Variants in CAMK4 observed in about 807,000 individuals in gnomAD.
CAMK4 encodes calcium/calmodulin-dependent protein kinase type IV.
CAMK4 carries 22 observed loss-of-function variants against 44.9 expected under a neutral mutation model. That is an observed-to-expected ratio of 0.49 (90% CI 0.35 to 0.70). The LOEUF is 0.70. CAMK4 is among the 30% of genes least tolerant of loss of function. The probability of loss-of-function intolerance (pLI) is 0.01; values close to 1 mark genes in which losing one functional copy is unlikely to be tolerated. For missense variants in CAMK4, 498 were observed against 586.8 expected (o/e 0.85, Z 1.56); for synonymous variants, 218 against 215.4 (o/e 1.01, Z -0.11).
At chr5:111,472,248 A>G (rs1484109754) in intron 7 of CAMK4, among the ~76,000 whole-genome samples, 1 of 152,136 alleles carries the variant, frequency 6.6e-6, no homozygotes, top group East Asian at 1.9e-4. Flanking sequence ...GCCAGCATGG[A>G]CAGAGAATCC....
At chr5:111,361,875 A>T (rs978856520) in intron 2 of CAMK4, among the ~76,000 whole-genome samples, 1 of 152,038 alleles carries the variant, frequency 6.6e-6, no homozygotes, top group Non-Finnish European at 1.5e-5. Flanking sequence ...AAAATTTTTT[A>T]GAATAACAAT....
At chr5:111,446,856 C>A in intron 6 of CAMK4, 80 bp downstream of exon 6, 1 of 821,538 alleles carries the variant, frequency 1.2e-6, no homozygotes, top group Non-Finnish European at 2.2e-6. Context: ...TTAAATATTG[C>A]TCCATCCAGT....
intron 5 of CAMK4, among the ~76,000 whole-genome samples, chr5:111,435,281 T>C (rs1354781661): frequency 6.6e-6 from 1 of 152,166 alleles, no homozygotes; most frequent in Non-Finnish European, 1.5e-5. Context: ...AAACTACAAA[T>C]TTTCACTCTT....
intron 5 of CAMK4, among the ~76,000 whole-genome samples, chr5:111,410,120 A>G (rs1752578593): frequency 6.6e-6 from 1 of 152,092 alleles, no homozygotes; most frequent in Non-Finnish European, 1.5e-5. Context: ...GTGCCCTTCT[A>G]CCTGGTACCA....
In CAMK4 at chr5:111,376,820, A is replaced by G. The variant is rs778571517; in HGVS notation, c.304-40A>G. The G allele has an allele frequency of 9.7e-6, 12 of 1,234,602 alleles. No homozygotes were observed. The African/African-American group carries it at 1.0e-4, about 11-fold the overall frequency. The allele number at this position is 1,234,602 out of a possible 1,614,324, so 76.5% of individuals were successfully genotyped here. A position where few individuals can be genotyped will look rare whatever the true frequency, so the allele number is the denominator to read the frequency against. On this transcript the variant is annotated intron_variant, in intron 3 of 10. Transcript: ENST00000282356. Reference sequence around the variant, plus strand: ...TAGCTATTTCCAAGAAAGATGGAATAAGAAATTTGTGATATTCTTTTTTTT... The same window carrying G: ...TAGCTATTTCCAAGAAAGATGGAATGAGAAATTTGTGATATTCTTTTTTTT...
intron 5 of CAMK4, among the ~76,000 whole-genome samples, chr5:111,400,262 T>A (rs188762804): frequency 1.6e-3 from 237 of 152,264 alleles, no homozygotes; most frequent in African/African-American, 5.3e-3. Flanking sequence ...AGAAAAAAAA[T>A]TAATTTCCCT....
intron 5 of CAMK4, among the ~76,000 whole-genome samples, chr5:111,432,381 G>C (rs1165238254): frequency 6.6e-6 from 1 of 151,934 alleles, no homozygotes; most frequent in South Asian, 2.1e-4. Context: ...GTTCGGGGAA[G>C]GTAGGGATGG....
chr5:111,344,061 G>T lies in CAMK4; in HGVS notation c.199G>T (p.Gly67Trp), dbSNP rs1329594615. 6.2e-7 allele frequency: 1 copy of T among 1,608,314 alleles called. No individual in the cohort carries two copies. Reference protein sequence around the residue: ...TSIVYRCKQKGTQKPYALKVL... With the variant: ...TSIVYRCKQKWTQKPYALKVL... ...CATTGTGTACAGATGCAAACAGAAGGGGACCCAGAAGCCTTATGCTCTCAA... is the reference window on the plus strand; with the variant it reads ...CATTGTGTACAGATGCAAACAGAAGTGGACCCAGAAGCCTTATGCTCTCAA... The change falls in exon 2 of 11, where the codon GGG becomes TGG. Residue 67 changes from glycine to tryptophan, a missense_variant. Coordinates refer to ENST00000282356, the MANE Select transcript of CAMK4 (RefSeq NM_001744.6).
chr5:111,351,663 C>T (rs898135722), intron 2 of CAMK4, among the ~76,000 whole-genome samples: 4 of 148,200 alleles, frequency 2.7e-5, no homozygotes, highest in Admixed American at 1.3e-4. Context: ...CCACCTGCCT[C>T]GGCCTCCCAA....
chr5:111,257,496 A>G (rs1749792184), intron 1 of CAMK4, among the ~76,000 whole-genome samples: 2 of 152,222 alleles, frequency 1.3e-5, no homozygotes, highest in Admixed American at 1.3e-4. Context: ...TCAAGAAACA[A>G]CAGATGCTGG....
chr5:111,334,929 T>C (rs947794277), intron 1 of CAMK4, among the ~76,000 whole-genome samples: 9 of 151,392 alleles, frequency 5.9e-5, no homozygotes, highest in African/African-American at 1.7e-4. Flanking sequence ...TTTGATTTCA[T>C]CTCAAGATAC....
chr5:111,291,293 CAATA>C (rs1259729920), intron 1 of CAMK4, among the ~76,000 whole-genome samples: 11 of 151,908 alleles, frequency 7.2e-5, no homozygotes, highest in African/African-American at 2.7e-4. Context: ...ATAAAAAATA[CAATA>C]AATATTATTT....
intron 2 of CAMK4, among the ~76,000 whole-genome samples, chr5:111,346,263 A>G (rs1052408932): frequency 6.6e-6 from 1 of 151,942 alleles, no homozygotes; most frequent in South Asian, 2.1e-4. Context: ...AGGAAAAAAA[A>G]CAAAAGGGTT....
At chr5:111,299,843 T>C (rs1200636095) in intron 1 of CAMK4, among the ~76,000 whole-genome samples, 3 of 152,218 alleles carry the variant, frequency 2.0e-5, no homozygotes, top group Non-Finnish European at 4.4e-5. Flanking sequence ...AAGGTTTCTA[T>C]AACTCCTAAT....
chr5:111,457,256 C>T (rs1265686362), intron 7 of CAMK4, among the ~76,000 whole-genome samples: 3 of 152,030 alleles, frequency 2.0e-5, no homozygotes, highest in Non-Finnish European at 4.4e-5. Flanking sequence ...TTCTCTTCCT[C>T]ACACACACAC....
At chr5:111,453,467 ATCTT>A (rs1422505694) in intron 7 of CAMK4, among the ~76,000 whole-genome samples, 2 of 152,178 alleles carry the variant, frequency 1.3e-5, no homozygotes, top group African/African-American at 2.4e-5. Context: ...TCTGGCATGT[ATCTT>A]TCTGAGAATA....
At chr5:111,361,474 T>A (rs963301794) in intron 2 of CAMK4, among the ~76,000 whole-genome samples, 8 of 152,022 alleles carry the variant, frequency 5.3e-5, no homozygotes, top group African/African-American at 1.7e-4. Flanking sequence ...CTTGATAATT[T>A]AAAAATCTTG....
intron 5 of CAMK4, among the ~76,000 whole-genome samples, chr5:111,401,037 A>T (rs1486075970): frequency 6.6e-6 from 1 of 152,084 alleles, no homozygotes; most frequent in African/African-American, 2.4e-5. Flanking sequence ...CCCTTTTTCT[A>T]GCTACAGTTC....
chr5:111,331,926 C>T (rs1457067229), intron 1 of CAMK4, among the ~76,000 whole-genome samples: 1 of 151,416 alleles, frequency 6.6e-6, no homozygotes. Context: ...GGGGCCAGAA[C>T]CATCCTTATA....
Sources: gnomAD v4.1 joint callset for allele counts (sites outside exome capture counted in the v4.1 genomes callset) on GRCh38, gnomAD v4.1.1 for gene constraint, MANE v1.5 for transcripts, NCBI Gene and HGNC (gene_info 2026-07-23, HGNC 2026-07-21) for gene names.